The following RPS6KA2 variants were observed in gnomAD, a reference collection of about 807,000 sequenced individuals.
RPS6KA2 encodes ribosomal protein S6 kinase A2.
Under a neutral mutation model 91.8 loss-of-function variants are expected in RPS6KA2, and 42 were observed. That is an observed-to-expected ratio of 0.46 (90% confidence interval 0.36 to 0.59). RPS6KA2 has a LOEUF of 0.59. RPS6KA2 is among the 20% of genes least tolerant of loss of function. The pLI, the probability that RPS6KA2 is intolerant of heterozygous loss-of-function variation, is 0.00. For missense variants in RPS6KA2, 798 were observed against 978.5 expected (o/e 0.82, Z 2.46); for synonymous variants, 414 against 393.6 (o/e 1.05, Z -0.61).
chr6:166,853,542 C>T (rs1005627801), intron 2 of RPS6KA2, among the ~76,000 whole-genome samples: 14 of 152,252 alleles, frequency 9.2e-5, no homozygotes, highest in African/African-American at 3.4e-4. Flanking sequence ...AGCCTCAGCC[C>T]TCCCAACCGC....
At chr6:166,536,980 A>T (rs187647884) in intron 2 of RPS6KA2, among the ~76,000 whole-genome samples, 3 of 152,356 alleles carry the variant, frequency 2.0e-5, no homozygotes, top group Non-Finnish European at 4.4e-5. Context: ...ATTAAAATTC[A>T]AAATTTGAAA....
intron 3 of RPS6KA2, among the ~76,000 whole-genome samples, chr6:166,530,445 C>T (rs1355052206): frequency 6.6e-6 from 1 of 152,376 alleles, no homozygotes. Context: ...CTGCCTCTCA[C>T]CGTCTCGGCA....
rs749256190 is a variant in RPS6KA2, at chr6:166,574,414, G to T, written c.100-35630C>A. Reference sequence around the variant, plus strand: ...CAGTTTTAAGTGAGAACATGCATTTGGTTTTCTGTCCCTGAATTAATTTGC... The same window carrying T: ...CAGTTTTAAGTGAGAACATGCATTTTGTTTTCTGTCCCTGAATTAATTTGC... On this transcript the variant is annotated intron_variant, in intron 1 of 20. Transcript: ENST00000265678. 1.2e-3 allele frequency among the ~76,000 whole-genome samples: 190 copies of T among 152,296 alleles called. 1 individual carries two copies. Among genetic ancestry groups the T allele is most frequent in the Admixed American group, 2.0e-3 (30 of 15,300 alleles).
intron 1 of RPS6KA2, among the ~76,000 whole-genome samples, chr6:166,590,091 C>T (rs1230888384): frequency 6.6e-6 from 1 of 152,134 alleles, no homozygotes; most frequent in Non-Finnish European, 1.5e-5. Flanking sequence ...TGAAATAAAA[C>T]AGCTCAAGCA....
chr6:166,820,223 C>T (rs1779873259), intron 2 of RPS6KA2, among the ~76,000 whole-genome samples: 2 of 152,304 alleles, frequency 1.3e-5, no homozygotes, highest in South Asian at 4.1e-4. Flanking sequence ...TCTTCATATG[C>T]TGTTACCTGT....
chr6:166,507,574 CACAT>C (rs1381052980), intron 5 of RPS6KA2, among the ~76,000 whole-genome samples: 1 of 150,974 alleles, frequency 6.6e-6, no homozygotes, highest in Non-Finnish European at 1.5e-5. Flanking sequence ...ACACACCCCA[CACAT>C]ACACACACCC....
chr6:166,579,694 G>A (rs552426573), intron 1 of RPS6KA2, among the ~76,000 whole-genome samples: 276 of 152,284 alleles, frequency 1.8e-3, no homozygotes, highest in Middle Eastern at 3.4e-3. Context: ...AGTGTCAACC[G>A]CTCCTTTGGC....
At chr6:166,788,601 C>T (rs1720490270) in intron 2 of RPS6KA2, among the ~76,000 whole-genome samples, 1 of 152,184 alleles carries the variant, frequency 6.6e-6, no homozygotes, top group Non-Finnish European at 1.5e-5. Context: ...AAACCAAATA[C>T]TGCATGTTCT....
intron 1 of RPS6KA2, among the ~76,000 whole-genome samples, chr6:166,623,080 C>T (rs1317533059): frequency 1.3e-5 from 2 of 152,242 alleles, no homozygotes; most frequent in Non-Finnish European, 2.9e-5. Context: ...TTTTGTCTTC[C>T]TCATTCACTC....
intron 17 of RPS6KA2, 125 bp from the exon 18 acceptor site, chr6:166,420,083 C>G (rs190263796): frequency 1.2e-6 from 1 of 821,590 alleles, no homozygotes; most frequent in East Asian, 2.7e-5. Context: ...GCCATGTCTT[C>G]GGTGTGACCA....
chr6:166,616,560 A>C (rs1786420630), intron 1 of RPS6KA2, among the ~76,000 whole-genome samples: 1 of 152,210 alleles, frequency 6.6e-6, no homozygotes, highest in Non-Finnish European at 1.5e-5. Context: ...AGGGACAGCC[A>C]GGCTCAAGAG....
rs1418778513 is a variant in RPS6KA2 at position 166,732,977 on chromosome 6, G to T, written c.123+125223C>A. On this transcript the variant is annotated intron_variant, in intron 2 of 21. Coordinates refer to the RPS6KA2 transcript ENST00000503859. The surrounding 1 kb of genome is among the most constrained non-coding windows in gnomAD (Gnocchi z 4.0). ...GGAACCGGAGCGGCTGGGGTGCAGG[G>T]TGGGAGGCAGGGGTGCACACTTATG... 1.3e-5 allele frequency among the ~76,000 whole-genome samples: 2 copies of T among 152,206 alleles called. No homozygotes were observed. Among genetic ancestry groups the T allele is most frequent in the Non-Finnish European group, 2.9e-5 (2 of 68,040 alleles).
At chr6:166,538,626 G>A in intron 2 of RPS6KA2, 42 bp downstream of exon 2, 1 of 1,158,780 alleles carries the variant, frequency 8.6e-7, no homozygotes, top group East Asian at 2.4e-5. Flanking sequence ...TGTCCTTTGT[G>A]TTCAGGAATG....
rs1583048283 is a variant in RPS6KA2 at position 166,719,958 on chromosome 6, C to T, written c.123+138242G>A. Among the ~76,000 whole-genome samples the T allele has an allele frequency of 5.9e-5, 9 of 152,304 alleles. No homozygotes were observed. In the South Asian group the frequency reaches 1.9e-3, roughly 32 times the overall value. On this transcript the variant is annotated intron_variant, in intron 2 of 21. Transcript: ENST00000503859. ...TGGCAAATTTCTGAAAGAGTGGCAG[C>T]TTTGAGATATGTGGGAGAAAGAAGT...
intron 2 of RPS6KA2, among the ~76,000 whole-genome samples, chr6:166,816,282 A>G (rs1024490859): frequency 6.6e-6 from 1 of 151,892 alleles, no homozygotes; most frequent in Non-Finnish European, 1.5e-5. Context: ...GTGGCGGCTT[A>G]CACCTGTAAT....
intron 2 of RPS6KA2, among the ~76,000 whole-genome samples, chr6:166,652,676 T>C (rs1787887354): frequency 6.6e-6 from 1 of 152,216 alleles, no homozygotes; most frequent in African/African-American, 2.4e-5. Flanking sequence ...GGTGACCTGC[T>C]TGGGTTCCCC....
At chr6:166,527,241 C>T (rs1783086102) in intron 3 of RPS6KA2, among the ~76,000 whole-genome samples, 1 of 152,204 alleles carries the variant, frequency 6.6e-6, no homozygotes, top group African/African-American at 2.4e-5. Context: ...CCTCCCTTTC[C>T]TTCAGTGGCG....
chr6:166,833,531 C>T (rs999154284), intron 2 of RPS6KA2, among the ~76,000 whole-genome samples: 13 of 152,294 alleles, frequency 8.5e-5, no homozygotes, highest in Admixed American at 8.5e-4. Context: ...GCCCTAAACG[C>T]TTCCCTCATG....
chr6:166,604,605 G>C (rs528261859), intron 1 of RPS6KA2, among the ~76,000 whole-genome samples: 1 of 152,304 alleles, frequency 6.6e-6, no homozygotes, highest in East Asian at 1.9e-4. Context: ...CTGAGCATCA[G>C]AGTTTTTAAA....
Sources: gnomAD v4.1 joint callset for allele counts (sites outside exome capture counted in the v4.1 genomes callset) on GRCh38, gnomAD v4.1.1 for gene constraint, Gnocchi (gnomAD v3.1) non-coding constraint, MANE v1.5 for transcripts, NCBI Gene and HGNC (gene_info 2026-07-23, HGNC 2026-07-21) for gene names.